GPM6B: variants seen among roughly 807,000 people sequenced by gnomAD.
GPM6B encodes the protein neuronal membrane glycoprotein M6-b.
In GPM6B, 4 loss-of-function variants were observed where a neutral mutation model predicts 27.2. The ratio of observed to expected loss-of-function variants is 0.15; its 90% CI spans 0.07 to 0.34. The LOEUF is 0.34. Ranked by LOEUF, GPM6B falls within the 10% of genes least tolerant of loss-of-function variation. The pLI is 1.00. For missense variants in GPM6B, 183 were observed against 261.9 expected (o/e 0.70, Z 2.08); for synonymous variants, 124 against 103.1 (o/e 1.20, Z -1.23).
chrX:13,917,260 C>A (rs913272886), intron 1 of GPM6B, among the ~76,000 whole-genome samples: 1 of 112,209 alleles, frequency 8.9e-6, no homozygotes, highest in African/African-American at 3.2e-5. Flanking sequence ...CTTAACTTGG[C>A]AAAAACACAT....
At chrX:13,877,479 T>C (rs1458953018) in intron 1 of GPM6B, among the ~76,000 whole-genome samples, 3 of 110,289 alleles carry the variant, frequency 2.7e-5, no homozygotes, top group African/African-American at 9.9e-5. Flanking sequence ...TTCCAGAAAC[T>C]ATACATCTGG....
At chrX:13,807,870 T>C (rs1213746630) in intron 1 of GPM6B, 101 bp from the exon 2 acceptor site, 1 of 803,549 alleles carries the variant, frequency 1.2e-6, no homozygotes, top group East Asian at 3.2e-5. Flanking sequence ...AAATGGGGAG[T>C]TTAAAAAATA....
At chrX:13,899,405 CAAAAAAAAAAA>C (rs58085220) in intron 1 of GPM6B, among the ~76,000 whole-genome samples, 127 of 36,326 alleles carry the variant, frequency 3.5e-3, no homozygotes, top group Non-Finnish European at 4.8e-3. Flanking sequence ...GACTCTGTCT[CAAAAAAAAAAA>C]AAAAAAAAAA....
At chrX:13,804,417 C>CGG (rs759066177) in intron 2 of GPM6B, among the ~76,000 whole-genome samples, 246 of 7,728 alleles carry the variant, frequency 0.032, 5 homozygotes, top group African/African-American at 0.065. Flanking sequence ...TCATGGACGG[C>CGG]GGGGGGGGCG....
intron 1 of GPM6B, among the ~76,000 whole-genome samples, chrX:13,832,853 G>A: frequency 8.9e-6 from 1 of 111,847 alleles, no homozygotes; most frequent in South Asian, 3.8e-4. Context: ...GGCAACCAAT[G>A]AAGAGTAAAT....
chrX:13,816,484 G>A lies in GPM6B; in HGVS notation c.61+360C>T, dbSNP rs189004887. Among the ~76,000 whole-genome samples, 46 of 111,616 alleles carry A rather than the reference G, an allele frequency of 4.1e-4. No individual in the cohort carries two copies. In the East Asian group the frequency reaches 0.011, roughly 27 times the overall value. On this transcript the variant is annotated intron_variant, in intron 1 of 7. Transcript: ENST00000316715. Reference sequence around the variant, plus strand: ...CTCCAGTTCCTCCTCAGCATTAGCAGAAAACTACACATTCCACGTTCCTGG... The same window carrying A: ...CTCCAGTTCCTCCTCAGCATTAGCAAAAAACTACACATTCCACGTTCCTGG...
chrX:13,855,165 C>T (rs914824969), intron 1 of GPM6B, among the ~76,000 whole-genome samples: 8 of 110,544 alleles, frequency 7.2e-5, no homozygotes, highest in Non-Finnish European at 1.5e-4. Context: ...ATTACAGGCA[C>T]GTGCCACCAT....
intron 1 of GPM6B, among the ~76,000 whole-genome samples, chrX:13,858,646 G>A (rs993280321): frequency 1.8e-5 from 2 of 111,205 alleles, no homozygotes; most frequent in Admixed American, 1.9e-4. Context: ...AGTATGTATT[G>A]TAACTGCCAC....
chrX:13,835,277 G>A (rs2049483039), intron 1 of GPM6B, among the ~76,000 whole-genome samples: 1 of 111,876 alleles, frequency 8.9e-6, no homozygotes, highest in South Asian at 3.8e-4. Context: ...CCCATGGAAG[G>A]ATGAGTGGAA....
chrX:13,868,047 T>C (rs913700431), intron 1 of GPM6B, among the ~76,000 whole-genome samples: 1 of 112,014 alleles, frequency 8.9e-6, no homozygotes, highest in Non-Finnish European at 1.9e-5. Flanking sequence ...CATGAGTATC[T>C]AGCACGGTGC....
intron 1 of GPM6B, among the ~76,000 whole-genome samples, chrX:13,902,118 G>C (rs747839763): frequency 9.0e-6 from 1 of 111,458 alleles, no homozygotes; most frequent in African/African-American, 3.3e-5. Context: ...TTTCCTGGCA[G>C]ACTCAGTCTA....
chrX:13,832,976 C>T (rs111627902), intron 1 of GPM6B, among the ~76,000 whole-genome samples: 2 of 112,041 alleles, frequency 1.8e-5, no homozygotes, highest in African/African-American at 6.5e-5. Flanking sequence ...AGGTCAAAAT[C>T]TGAGGAACAG....
At chrX:13,917,679 G>T (rs2147064179) in intron 1 of GPM6B, among the ~76,000 whole-genome samples, 1 of 112,242 alleles carries the variant, frequency 8.9e-6, no homozygotes, top group Non-Finnish European at 1.9e-5. Context: ...CCATTTTCAG[G>T]CTCCTGTGAT....
intron 1 of GPM6B, among the ~76,000 whole-genome samples, chrX:13,843,483 T>C (rs1270917982): frequency 8.9e-6 from 1 of 112,348 alleles, no homozygotes; most frequent in Non-Finnish European, 1.9e-5. Flanking sequence ...TTGGGTCATA[T>C]GGTAATCCTA....
intron 2 of GPM6B, among the ~76,000 whole-genome samples, chrX:13,799,403 T>C (rs1028885598): frequency 4.8e-5 from 3 of 62,740 alleles, no homozygotes; most frequent in Non-Finnish European, 5.8e-5. Flanking sequence ...ATTATTATTA[T>C]TTTTTTTTTA....
chrX:13,802,223 C>T (rs1282158549), intron 2 of GPM6B, among the ~76,000 whole-genome samples: 2 of 111,393 alleles, frequency 1.8e-5, no homozygotes, highest in South Asian at 3.8e-4. Flanking sequence ...CACTACTTCT[C>T]AAAGACCGAG....
At chrX:13,808,551 T>C (rs184421370) in intron 1 of GPM6B, among the ~76,000 whole-genome samples, 1 of 112,131 alleles carries the variant, frequency 8.9e-6, no homozygotes, top group African/African-American at 3.2e-5. Flanking sequence ...TAAAAGTTAG[T>C]TGAATTACAA....
intron 1 of GPM6B, among the ~76,000 whole-genome samples, chrX:13,913,155 T>C (rs1261172452): frequency 9.0e-6 from 1 of 111,316 alleles, no homozygotes; most frequent in Non-Finnish European, 1.9e-5. Flanking sequence ...TCTGTCTGTC[T>C]ATCTATCTAT....
chrX:13,910,643 G>C (rs1321183098), intron 1 of GPM6B, among the ~76,000 whole-genome samples: 2 of 113,081 alleles, frequency 1.8e-5, no homozygotes, highest in East Asian at 5.5e-4. Flanking sequence ...AGTGAAGGGA[G>C]AGTCTGCTCT....
Sources: allele counts gnomAD v4.1 joint callset (sites outside exome capture counted in the v4.1 genomes callset), GRCh38; gene constraint gnomAD v4.1.1; transcripts MANE v1.5; gene names NCBI Gene and HGNC (gene_info 2026-07-23, HGNC 2026-07-21).